Variants in ARHGAP26 observed in about 807,000 individuals in gnomAD.
The protein encoded by ARHGAP26 is Rho GTPase activating protein 26.
ARHGAP26 carries 38 observed loss-of-function variants against 104.8 expected under a neutral mutation model. That is an observed-to-expected ratio of 0.36 (90% CI 0.28 to 0.48). The LOEUF is 0.48. Among genes scored for constraint, ARHGAP26 ranks in the 20% least tolerant of loss-of-function variants. The pLI is 0.99. For missense variants in ARHGAP26, 704 were observed against 947.9 expected (o/e 0.74, Z 3.38); for synonymous variants, 341 against 340.0 (o/e 1.00, Z -0.03).
At chr5:142,999,695 AATCTATGCG>A (rs1218012988) in intron 11 of ARHGAP26, among the ~76,000 whole-genome samples, 3 of 152,200 alleles carry the variant, frequency 2.0e-5, no homozygotes, top group Non-Finnish European at 4.4e-5. Context: ...CATAGGACAA[AATCTATGCG>A]ATCTGGGATT....
At chr5:142,890,151 A>AAAAAAAAAAATAT (rs1252590997) in intron 5 of ARHGAP26, among the ~76,000 whole-genome samples, 2 of 32,422 alleles carry the variant, frequency 6.2e-5, no homozygotes, top group Non-Finnish European at 1.1e-4. Flanking sequence ...AAAAAAAAAA[A>AAAAAAAAAAATAT]ATATATATAT....
rs574263681 is a variant in ARHGAP26 at position 142,910,755 on chromosome 5, A to G, written c.934-2444A>G. Among the ~76,000 whole-genome samples the G allele has an allele frequency of 3.3e-5, 5 of 152,210 alleles. No individual in the cohort carries two copies. The South Asian group carries it at 1.0e-3, about 32-fold the overall frequency. On this transcript the variant is annotated intron_variant, in intron 9 of 22. Transcript: ENST00000645722. ...CTCCATCTCAAAAAAAGAAAAAAAG[A>G]AGAAATAGAGATGAGTCTCACTATG...
At chr5:143,211,264 T>C (rs1470409561) in intron 21 of ARHGAP26, among the ~76,000 whole-genome samples, 1 of 152,210 alleles carries the variant, frequency 6.6e-6, no homozygotes, top group South Asian at 2.1e-4. Context: ...AATTTTTTCA[T>C]ATATGTATGT....
intron 17 of ARHGAP26, among the ~76,000 whole-genome samples, chr5:143,080,913 G>A (rs192562904): frequency 1.3e-5 from 2 of 151,702 alleles, no homozygotes; most frequent in Non-Finnish European, 2.9e-5. Flanking sequence ...CTGGACTAGG[G>A]TAGTAGTGGT....
At chr5:143,007,184 C>T (rs1239270444) in intron 11 of ARHGAP26, among the ~76,000 whole-genome samples, 2 of 134,620 alleles carry the variant, frequency 1.5e-5, no homozygotes, top group East Asian at 4.5e-4. Context: ...GACAGCAAGA[C>T]TCTGTCTCCG....
intron 17 of ARHGAP26, among the ~76,000 whole-genome samples, chr5:143,100,771 A>G (rs1340846464): frequency 6.6e-6 from 1 of 152,180 alleles, no homozygotes; most frequent in South Asian, 2.1e-4. Flanking sequence ...TCTAGTATGA[A>G]TGGGTACATG....
intron 14 of ARHGAP26, among the ~76,000 whole-genome samples, chr5:143,043,350 G>C (rs1245406021): frequency 6.6e-6 from 1 of 152,156 alleles, no homozygotes; most frequent in African/African-American, 2.4e-5. Context: ...ATTTTCTCAA[G>C]ATTTATTTTT....
intron 21 of ARHGAP26, among the ~76,000 whole-genome samples, chr5:143,211,823 A>G (rs1599540718): frequency 6.6e-6 from 1 of 152,062 alleles, no homozygotes; most frequent in South Asian, 2.1e-4. Context: ...CCAAAGTGCT[A>G]GGATTACAGG....
At chr5:142,970,013 A>G (rs1302224418) in intron 11 of ARHGAP26, among the ~76,000 whole-genome samples, 1 of 152,228 alleles carries the variant, frequency 6.6e-6, no homozygotes, top group African/African-American at 2.4e-5. Flanking sequence ...GGAAGAATAC[A>G]GCATTTTATT....
chr5:142,867,917 T>G (rs1031013395), intron 1 of ARHGAP26: 1 of 152,088 alleles, frequency 6.6e-6, no homozygotes, highest in East Asian at 1.9e-4. Context: ...TGAAGGCTAA[T>G]GGACTTATGG....
At chr5:143,079,392 T>C (rs921776816) in intron 17 of ARHGAP26, among the ~76,000 whole-genome samples, 9 of 152,234 alleles carry the variant, frequency 5.9e-5, no homozygotes, top group Non-Finnish European at 1.3e-4. Context: ...ACACCTTTGC[T>C]ACCAGGCTAC....
intron 17 of ARHGAP26, among the ~76,000 whole-genome samples, chr5:143,110,723 T>G (rs1310342710): frequency 6.6e-6 from 1 of 152,216 alleles, no homozygotes; most frequent in Non-Finnish European, 1.5e-5. Context: ...TAGAATGAAT[T>G]GTTATGTAAT....
chr5:143,214,404 A>C (rs530531258), intron 22 of ARHGAP26, among the ~76,000 whole-genome samples: 1 of 152,348 alleles, frequency 6.6e-6, no homozygotes, highest in South Asian at 2.1e-4. Context: ...GAGATCATAC[A>C]CATCACATGT....
intron 11 of ARHGAP26, among the ~76,000 whole-genome samples, chr5:143,001,466 T>C (rs1212879072): frequency 2.0e-5 from 3 of 152,252 alleles, no homozygotes; most frequent in Non-Finnish European, 4.4e-5. Flanking sequence ...GATGGCTAGA[T>C]ATGTGATAAG....
At chr5:143,029,450 G>A (rs998761200) in intron 12 of ARHGAP26, among the ~76,000 whole-genome samples, 2 of 136,662 alleles carry the variant, frequency 1.5e-5, no homozygotes, top group Non-Finnish European at 3.0e-5. Flanking sequence ...TGTTGCTCAG[G>A]CTGCAGTGCA....
chr5:142,860,845 A>G (rs1753194247), intron 1 of ARHGAP26, among the ~76,000 whole-genome samples: 1 of 152,126 alleles, frequency 6.6e-6, no homozygotes, highest in Admixed American at 6.5e-5. Flanking sequence ...CATTACTGGT[A>G]CTTAGTATTA....
chr5:143,169,531 AAG>A (rs1395788891), intron 20 of ARHGAP26: 1 of 152,230 alleles, frequency 6.6e-6, no homozygotes, highest in East Asian at 1.9e-4. Context: ...GCAGAAAAGA[AAG>A]AGAGAGCCTC....
intron 11 of ARHGAP26, among the ~76,000 whole-genome samples, chr5:142,967,435 A>T (rs1289360197): frequency 6.6e-6 from 1 of 152,200 alleles, no homozygotes; most frequent in Non-Finnish European, 1.5e-5. Flanking sequence ...TATTGTCATC[A>T]CTAACGGATG....
intron 1 of ARHGAP26, among the ~76,000 whole-genome samples, chr5:142,813,644 A>G (rs1325247275): frequency 6.6e-6 from 1 of 152,236 alleles, no homozygotes; most frequent in African/African-American, 2.4e-5. Context: ...GTCTTCTCCC[A>G]GTATCTTCAC....
Sources: gnomAD v4.1 joint callset for allele counts (sites outside exome capture counted in the v4.1 genomes callset) on GRCh38, gnomAD v4.1.1 for gene constraint, MANE v1.5 for transcripts, NCBI Gene and HGNC (gene_info 2026-07-23, HGNC 2026-07-21) for gene names.